INSC: variants seen among roughly 807,000 people sequenced by gnomAD.
INSC encodes the protein INSC spindle orientation adaptor protein.
In INSC, 67 loss-of-function variants were observed where a neutral mutation model predicts 58.6. The observed-to-expected ratio is 1.14, with a 90% CI of 0.94 to 1.40. The LOEUF (loss-of-function observed/expected upper bound fraction) is 1.40. Among genes scored for constraint, INSC ranks in the 40% most tolerant of loss-of-function variants. The pLI, the probability that INSC is intolerant of heterozygous loss-of-function variation, is 0.00. For missense variants in INSC, 714 were observed against 692.0 expected (o/e 1.03, Z -0.36); for synonymous variants, 262 against 276.1 (o/e 0.95, Z 0.51).
At chr11:15,112,252 G>C (rs1847586404), upstream of INSC, among the ~76,000 whole-genome samples, 1 of 152,186 alleles carries the variant, frequency 6.6e-6, no homozygotes, top group African/African-American at 2.4e-5. Flanking sequence ...GCACAGCATT[G>C]AGAAGTCAGG....
At chr11:15,224,762 G>A (rs1851568606) in intron 8 of INSC, among the ~76,000 whole-genome samples, 1 of 152,166 alleles carries the variant, frequency 6.6e-6, no homozygotes, top group Admixed American at 6.5e-5. Context: ...GTCAGGTGGT[G>A]GAAGGATAAG....
At chr11:15,223,229 A>G (rs1792557) in intron 8 of INSC, among the ~76,000 whole-genome samples, 45,706 of 152,168 alleles carry the variant, frequency 0.3, 7,324 homozygotes, top group Non-Finnish European at 0.36. Flanking sequence ...TATAAACATT[A>G]TCAAATAAAC....
intron 7 of INSC, among the ~76,000 whole-genome samples, chr11:15,209,417 G>A (rs917676724): frequency 6.6e-6 from 1 of 152,132 alleles, no homozygotes; most frequent in Non-Finnish European, 1.5e-5. Flanking sequence ...TTGCCTTGGA[G>A]CCTCTGCCTG....
At chr11:15,133,784 T>G (rs138751647) in intron 1 of INSC, among the ~76,000 whole-genome samples, 2 of 152,364 alleles carry the variant, frequency 1.3e-5, no homozygotes, top group African/African-American at 4.8e-5. Flanking sequence ...GCTTTACTTT[T>G]GGCCTCTCCA....
chr11:15,118,636 C>T (rs1193608745), intron 1 of INSC, among the ~76,000 whole-genome samples: 1 of 152,128 alleles, frequency 6.6e-6, no homozygotes, highest in East Asian at 1.9e-4. Flanking sequence ...GGTGTTTTTT[C>T]CTTCCCAGAA....
chr11:15,238,113 C>T (rs1852200390), intron 10 of INSC, among the ~76,000 whole-genome samples: 1 of 151,844 alleles, frequency 6.6e-6, no homozygotes, highest in Admixed American at 6.6e-5. Flanking sequence ...TTAGATGGAG[C>T]GTCAAGAGGG....
At chr11:15,193,112 C>T (rs1423217311) in intron 6 of INSC, among the ~76,000 whole-genome samples, 1 of 152,134 alleles carries the variant, frequency 6.6e-6, no homozygotes, top group Non-Finnish European at 1.5e-5. Flanking sequence ...GGATTCATTG[C>T]ACTTATATCA....
chr11:15,198,677 T>A (rs1351924176), intron 6 of INSC, among the ~76,000 whole-genome samples: 2 of 152,096 alleles, frequency 1.3e-5, no homozygotes, highest in South Asian at 4.1e-4. Context: ...TCCATATATA[T>A]GTATATATAT....
intron 4 of INSC, among the ~76,000 whole-genome samples, chr11:15,177,381 C>G (rs570834408): frequency 1.2e-3 from 187 of 152,210 alleles, no homozygotes; most frequent in African/African-American, 4.4e-3. Flanking sequence ...AGAGGAGAGG[C>G]CTGGGCATAG....
At chr11:15,142,859 A>C (rs1298753458) in intron 1 of INSC, among the ~76,000 whole-genome samples, 1 of 151,950 alleles carries the variant, frequency 6.6e-6, no homozygotes, top group South Asian at 2.1e-4. Flanking sequence ...GTACATGTGC[A>C]CAAAGGTTTG....
chr11:15,175,118 A>T (rs1287197393), intron 2 of INSC, among the ~76,000 whole-genome samples: 1 of 152,234 alleles, frequency 6.6e-6, no homozygotes, highest in Non-Finnish European at 1.5e-5. Context: ...AAAATGAAAA[A>T]GACTTTAGTT....
intron 9 of INSC, among the ~76,000 whole-genome samples, chr11:15,229,651 G>T (rs1212629210): frequency 2.0e-5 from 3 of 151,978 alleles, no homozygotes; most frequent in Middle Eastern, 6.8e-3. Context: ...ATAATGAATG[G>T]GATGGGTTCT....
chr11:15,124,407 A>G (rs1847942287), intron 1 of INSC, among the ~76,000 whole-genome samples: 1 of 152,174 alleles, frequency 6.6e-6, no homozygotes, highest in Non-Finnish European at 1.5e-5. Flanking sequence ...ATGAGAAATT[A>G]GAGATTAGGC....
At chr11:15,230,114 C>T (rs1252338435) in intron 9 of INSC, among the ~76,000 whole-genome samples, 70 of 137,084 alleles carry the variant, frequency 5.1e-4, no homozygotes, top group African/African-American at 1.9e-3. Context: ...GGCTTGAGCC[C>T]GGGAAATGGA....
chr11:15,161,305 T>C lies in INSC; in HGVS notation c.56+12075T>C, dbSNP rs545531366. ...TAGGATTTACTCTCTTACTATATTA[T>C]ACTGAACAGTTTGATTAACAAAAAA... On this transcript the variant is annotated intron_variant, in intron 2 of 12. Transcript: ENST00000379556. 3.9e-5 allele frequency among the ~76,000 whole-genome samples: 6 copies of C among 152,356 alleles called. No individual in the cohort carries two copies. The East Asian group carries it at 1.2e-3, about 29-fold the overall frequency.
chr11:15,229,919 A>T lies in INSC; in HGVS notation c.1170+4091A>T, dbSNP rs60995038. On this transcript the variant is annotated intron_variant, in intron 9 of 12. Coordinates refer to ENST00000379556, the MANE Select transcript of INSC (RefSeq NM_001042536.3). ...TAAAAAACATTTTTATATATATATA[A>T]ATTTTTTATATATTATATATATATA... Among the ~76,000 whole-genome samples, 827 of 99,510 alleles carry T rather than the reference A, an allele frequency of 8.3e-3. 21 individuals carry two copies. Among genetic ancestry groups the T allele is most frequent in the African/African-American group, 0.029 (752 of 25,530 alleles). 65.3% of individuals were successfully genotyped at this position (99,510 alleles called of 152,430 possible). A position where few individuals can be genotyped will look rare whatever the true frequency, so the allele number is the denominator to read the frequency against.
At chr11:15,174,936 T>A (rs183243932) in intron 2 of INSC, among the ~76,000 whole-genome samples, 1 of 152,366 alleles carries the variant, frequency 6.6e-6, no homozygotes, top group African/African-American at 2.4e-5. Flanking sequence ...GATCTGATAT[T>A]ACTGACTTTT....
chr11:15,167,519 G>A (rs371661484), intron 2 of INSC, among the ~76,000 whole-genome samples: 3 of 151,948 alleles, frequency 2.0e-5, no homozygotes, highest in East Asian at 3.9e-4. Context: ...GTAGTGCAGT[G>A]GCACCATAAT....
chr11:15,211,474 C>T (rs1434292241), intron 7 of INSC, among the ~76,000 whole-genome samples: 1 of 152,092 alleles, frequency 6.6e-6, no homozygotes, highest in Non-Finnish European at 1.5e-5. Flanking sequence ...ATATTATCAG[C>T]CTGTGGTAGG....
Sources: allele counts gnomAD v4.1 joint callset (sites outside exome capture counted in the v4.1 genomes callset), GRCh38; gene constraint gnomAD v4.1.1; transcripts MANE v1.5; gene names NCBI Gene and HGNC (gene_info 2026-07-23, HGNC 2026-07-21).